Variants in TTC7A observed in about 807,000 individuals in gnomAD.
The protein encoded by TTC7A is tetratricopeptide repeat protein 7A.
Under a neutral mutation model 103.7 loss-of-function variants are expected in TTC7A, and 110 were observed. That is an observed-to-expected ratio of 1.06 (90% CI 0.91 to 1.24). The LOEUF (loss-of-function observed/expected upper bound fraction) is 1.24, where lower values mean the gene tolerates loss of function less well. Among genes scored for constraint, TTC7A ranks in the 50% most tolerant of loss-of-function variants. The pLI is 0.00. For synonymous variants in TTC7A, 521 were observed against 467.9 expected, an observed-to-expected ratio of 1.11 and a Z score of -1.47; for missense variants, 1,340 against 1,116.3, an observed-to-expected ratio of 1.20 and a Z score of -2.86.
intron 8 of TTC7A, among the ~76,000 whole-genome samples, chr2:47,000,266 A>AAG (rs1676666534): frequency 6.6e-6 from 1 of 151,946 alleles, no homozygotes; most frequent in African/African-American, 2.4e-5. Context: ...AAAAAAAAAA[A>AAG]AAAAAGTGCT....
At position 46,941,722 on chromosome 2, in the gene TTC7A, A is replaced by G. The variant is rs1029573889; in HGVS notation, c.181A>G (p.Thr61Ala). ...GAGCGCAGCGTTCACCTTTCCGGAC[A>G]CCGGTGAGTAAGGGAAGAGGCTGGC... ...SPSAAFTFPD[T>A]DDFGKLLLAE... is the part of the protein sequence containing the mutation. The change falls in exon 1 of 20, where the codon ACC (threonine) becomes GCC (alanine). Residue 61 changes from threonine (T) to alanine (A), a missense_variant. Thr to Ala is a moderately conservative substitution (Grantham distance 58, BLOSUM62 0). Transcript: ENST00000319190. The surrounding 1 kb of genome is among the most constrained non-coding windows in gnomAD (Gnocchi z 4.2). 1.9e-6 allele frequency: 3 copies of G among 1,549,756 alleles called. No individual in the cohort carries two copies. Among genetic ancestry groups the G allele is most frequent in the Non-Finnish European group, 2.6e-6 (3 of 1,146,940 alleles).
Position 46,956,954 on chromosome 2 carries a change from AG to A in TTC7A, c.465del (p.Asn156ThrfsTer34). 6.2e-7 allele frequency: 1 copy of A among 1,614,116 alleles called. No homozygotes were observed. Among genetic ancestry groups the A allele is most frequent in the Non-Finnish European group, 8.5e-7 (1 of 1,180,016 alleles). On this transcript the variant is annotated frameshift_variant, in exon 3 of 20. Transcript: ENST00000319190. LOFTEE classifies it high-confidence loss of function. ...ARAGIDDMSM[E>X]NKPLYQMRLL... Reference sequence around the variant, plus strand: ...GCCGGGATTGATGACATGTCCATGGAGAACAAGCCCCTGTATCAGATGCGGC... The same window carrying A: ...GCCGGGATTGATGACATGTCCATGGAAACAAGCCCCTGTATCAGATGCGGC...
At chr2:46,976,222 A>C (rs905019142) in intron 4 of TTC7A, among the ~76,000 whole-genome samples, 1 of 152,230 alleles carries the variant, frequency 6.6e-6, no homozygotes, top group African/African-American at 2.4e-5. Context: ...ACTGGATGAA[A>C]TCGGTCCTGT....
chr2:46,989,909 T>C (rs1228913153), intron 5 of TTC7A, among the ~76,000 whole-genome samples: 1 of 152,086 alleles, frequency 6.6e-6, no homozygotes, highest in Non-Finnish European at 1.5e-5. Context: ...GCCACTCTGC[T>C]GGTCCAAGAG....
intron 3 of TTC7A, among the ~76,000 whole-genome samples, chr2:46,968,046 A>C (rs976452573): frequency 2.0e-5 from 3 of 151,882 alleles, no homozygotes; most frequent in African/African-American, 7.3e-5. Context: ...TCTGTTTTCT[A>C]CCTCTGCATC....
At chr2:47,050,593 G>A (rs1252642970) in intron 17 of TTC7A, 1 of 153,788 alleles carries the variant, frequency 6.5e-6, no homozygotes. Context: ...GAAGGTGTGA[G>A]TGGAGTTGTA....
intron 5 of TTC7A, among the ~76,000 whole-genome samples, chr2:46,985,705 G>A (rs1572818465): frequency 6.6e-6 from 1 of 152,236 alleles, no homozygotes; most frequent in Non-Finnish European, 1.5e-5. Context: ...ATGGCACCAC[G>A]CCCAGCACAA....
chr2:46,986,099 C>T (rs1197386611), intron 5 of TTC7A, among the ~76,000 whole-genome samples: 2 of 152,222 alleles, frequency 1.3e-5, no homozygotes, highest in African/African-American at 4.8e-5. Flanking sequence ...GAACCGCTGT[C>T]TTAGCTTAAG....
chr2:47,041,921 G>GAA (rs143516976), intron 15 of TTC7A, among the ~76,000 whole-genome samples: 5 of 151,540 alleles, frequency 3.3e-5, no homozygotes, highest in South Asian at 2.1e-4. Flanking sequence ...AGATTAACGG[G>GAA]AAAAAAAACG....
chr2:47,048,160 C>T (rs1468143777), intron 16 of TTC7A, among the ~76,000 whole-genome samples: 3 of 152,234 alleles, frequency 2.0e-5, no homozygotes, highest in Non-Finnish European at 4.4e-5. Context: ...CTTCATGGAG[C>T]CACCAACCAC....
At chr2:47,068,917 G>A (rs1024191124) in intron 19 of TTC7A, among the ~76,000 whole-genome samples, 1 of 150,062 alleles carries the variant, frequency 6.7e-6, no homozygotes, top group Non-Finnish European at 1.5e-5. Flanking sequence ...GAGAGAGAAG[G>A]TAATGCGGCC....
At chr2:46,954,635 G>A (rs904587972) in intron 2 of TTC7A, among the ~76,000 whole-genome samples, 3 of 142,976 alleles carry the variant, frequency 2.1e-5, no homozygotes, top group African/African-American at 8.0e-5. Flanking sequence ...ACAGTGGCAC[G>A]ATCTTGGCTC....
At chr2:46,992,761 A>C (rs6544946) in intron 5 of TTC7A, among the ~76,000 whole-genome samples, 27,326 of 152,214 alleles carry the variant, frequency 0.18, 2,831 homozygotes, top group African/African-American at 0.29. Flanking sequence ...CCAGCATGTT[A>C]CAAAATGGGG....
intron 18 of TTC7A, chr2:47,054,058 A>G (rs1683120116): frequency 1.0e-6 from 1 of 960,534 alleles, no homozygotes; most frequent in Non-Finnish European, 1.2e-6. Flanking sequence ...TCATTTGCAC[A>G]TGAGCCTTTC....
intron 8 of TTC7A, among the ~76,000 whole-genome samples, chr2:46,996,977 T>G (rs1342894875): frequency 0.015 from 2,313 of 152,012 alleles, 57 homozygotes; most frequent in African/African-American, 0.052. Context: ...TTGTTGTTGT[T>G]GTTGTTGTTG....
At chr2:46,917,992 A>G (rs1271343742) in intron 2 of TTC7A, among the ~76,000 whole-genome samples, 2 of 152,074 alleles carry the variant, frequency 1.3e-5, no homozygotes, top group East Asian at 3.9e-4. Flanking sequence ...TCCCTATGTG[A>G]GTTTACCTAG....
At position 47,074,774 on chromosome 2, in the gene TTC7A, C is replaced by T. The variant is rs116110318; in HGVS notation, c.*851C>T. On this transcript the variant is annotated 3_prime_UTR_variant, in exon 20 of 20. Transcript: ENST00000319190. ...TTTTTGCCTTGATTCGAGCCTCACCCTGGCCTTTTGGCTTCCCCTGCCTGA... is the reference window on the plus strand; with the variant it reads ...TTTTTGCCTTGATTCGAGCCTCACCTTGGCCTTTTGGCTTCCCCTGCCTGA... 2 of 152,502 alleles carry T rather than the reference C, an allele frequency of 1.3e-5. No homozygotes were observed. The highest frequency in any genetic ancestry group is 1.5e-5 in the Non-Finnish European group (1 of 68,316). The allele number at this position is 152,502 out of a possible 1,614,324, so 9.4% of individuals were successfully genotyped here. A position where few individuals can be genotyped will look rare whatever the true frequency, so the allele number is the denominator to read the frequency against.
At chr2:47,045,339 C>G (rs1682201681) in intron 15 of TTC7A, among the ~76,000 whole-genome samples, 1 of 152,210 alleles carries the variant, frequency 6.6e-6, no homozygotes. Context: ...CAGGGCTCCA[C>G]CCCAGCTCTT....
At chr2:46,954,509 C>T (rs1302412863) in intron 2 of TTC7A, among the ~76,000 whole-genome samples, 1 of 149,206 alleles carries the variant, frequency 6.7e-6, no homozygotes, top group African/African-American at 2.5e-5. Context: ...TGTGCTATAA[C>T]AGAAAAACAG....
Sources: allele counts gnomAD v4.1 joint callset (sites outside exome capture counted in the v4.1 genomes callset), GRCh38; gene constraint gnomAD v4.1.1; non-coding constraint Gnocchi (gnomAD v3.1); transcripts MANE v1.5; gene names NCBI Gene and HGNC (gene_info 2026-07-23, HGNC 2026-07-21).